TRDN: variants seen among roughly 807,000 people sequenced by gnomAD.
TRDN encodes the protein triadin in skeletal muscle.
A neutral mutation model predicts 149.7 loss-of-function variants in TRDN; 161 were observed. That is an observed-to-expected ratio of 1.08 (90% confidence interval 0.95 to 1.23). The LOEUF (loss-of-function observed/expected upper bound fraction) is 1.23. Among genes scored for constraint, TRDN ranks in the 50% most tolerant of loss-of-function variants. TRDN has a pLI of 0.00. For synonymous variants in TRDN, 294 were observed against 250.5 expected, an observed-to-expected ratio of 1.17 and a Z score of -1.64; for missense variants, 896 against 823.5, an observed-to-expected ratio of 1.09 and a Z score of -1.08.
At chr6:123,376,732 C>G (rs911315559) in intron 18 of TRDN, among the ~76,000 whole-genome samples, 1 of 152,090 alleles carries the variant, frequency 6.6e-6, no homozygotes, top group Non-Finnish European at 1.5e-5. Context: ...GGATTCAAAC[C>G]TGTAGTTTTC....
chr6:123,348,994 C>A (rs1780355724), intron 21 of TRDN, among the ~76,000 whole-genome samples: 1 of 151,944 alleles, frequency 6.6e-6, no homozygotes, highest in African/African-American at 2.4e-5. Context: ...AGAAAGCAGA[C>A]CTCTATGAGA....
At chr6:123,449,673 A>G (rs1233774491) in intron 10 of TRDN, among the ~76,000 whole-genome samples, 1 of 152,210 alleles carries the variant, frequency 6.6e-6, no homozygotes, top group Admixed American at 6.5e-5. Flanking sequence ...AAACTACTCC[A>G]GCCTTGCTAG....
chr6:123,240,849 T>C (rs1348611597), intron 38 of TRDN, among the ~76,000 whole-genome samples: 1 of 151,938 alleles, frequency 6.6e-6, no homozygotes, highest in Non-Finnish European at 1.5e-5. Flanking sequence ...TTGCATATTA[T>C]TTTTATCAAC....
At chr6:123,338,502 C>CTA (rs1216089772) in intron 21 of TRDN, among the ~76,000 whole-genome samples, 2 of 152,132 alleles carry the variant, frequency 1.3e-5, no homozygotes, top group East Asian at 3.8e-4. Context: ...GCTGGAGAGG[C>CTA]TACATCTAGG....
intron 4 of TRDN, among the ~76,000 whole-genome samples, chr6:123,539,681 C>A (rs574447621): frequency 6.6e-6 from 1 of 152,142 alleles, no homozygotes; most frequent in Non-Finnish European, 1.5e-5. Context: ...TAGGTCAATG[C>A]GACAGTGATA....
chr6:123,323,896 G>A (rs1277341901), intron 23 of TRDN, among the ~76,000 whole-genome samples: 5 of 152,150 alleles, frequency 3.3e-5, no homozygotes, highest in African/African-American at 1.2e-4. Context: ...GCTTCCCAGT[G>A]TGAAGAGTGT....
At chr6:123,244,780 A>G (rs1017080984) in intron 38 of TRDN, among the ~76,000 whole-genome samples, 3 of 152,174 alleles carry the variant, frequency 2.0e-5, no homozygotes, top group Admixed American at 2.0e-4. Context: ...AGTAACTCCA[A>G]GACACATAGC....
At chr6:123,426,142 T>G (rs1774111008) in intron 12 of TRDN, among the ~76,000 whole-genome samples, 1 of 152,090 alleles carries the variant, frequency 6.6e-6, no homozygotes, top group African/African-American at 2.4e-5. Flanking sequence ...AGGCAGAGAA[T>G]GTAAGGAGAC....
chr6:123,513,336 G>A (rs955413217), intron 6 of TRDN, among the ~76,000 whole-genome samples: 2 of 152,080 alleles, frequency 1.3e-5, no homozygotes, highest in East Asian at 1.9e-4. Context: ...ATTGGCATAA[G>A]GTAAATAAAA....
intron 23 of TRDN, among the ~76,000 whole-genome samples, chr6:123,330,958 C>A (rs1356602931): frequency 6.6e-6 from 1 of 152,004 alleles, no homozygotes; most frequent in East Asian, 1.9e-4. Context: ...AGTTGTACAG[C>A]TAAGTCCCTC....
chr6:123,531,308 T>A (rs1391594229), intron 4 of TRDN, among the ~76,000 whole-genome samples: 1 of 152,006 alleles, frequency 6.6e-6, no homozygotes, highest in Non-Finnish European at 1.5e-5. Context: ...AATATAGTGT[T>A]TTTTCTTAGA....
intron 12 of TRDN, among the ~76,000 whole-genome samples, chr6:123,430,807 A>T (rs960894399): frequency 2.6e-5 from 4 of 152,048 alleles, no homozygotes; most frequent in African/African-American, 9.7e-5. Context: ...CCATGTCCTT[A>T]CCTCATTTTT....
chr6:123,412,400 A>C (rs576275395), intron 12 of TRDN, among the ~76,000 whole-genome samples: 1 of 152,356 alleles, frequency 6.6e-6, no homozygotes, highest in South Asian at 2.1e-4. Flanking sequence ...CTCAATAACT[A>C]GTCATATTTC....
At chr6:123,636,700 C>T (rs1214943402) in intron 1 of TRDN, 54 bp downstream of exon 1, 2 of 1,600,170 alleles carry the variant, frequency 1.2e-6, no homozygotes, top group Non-Finnish European at 1.7e-6. Flanking sequence ...ATGTGGCTGT[C>T]GATTTGCATA....
At chr6:123,297,391 T>C (rs1778242194) in intron 24 of TRDN, among the ~76,000 whole-genome samples, 1 of 151,988 alleles carries the variant, frequency 6.6e-6, no homozygotes, top group South Asian at 2.1e-4. Context: ...TGCACCATGA[T>C]CGAGCATGAA....
intron 23 of TRDN, among the ~76,000 whole-genome samples, chr6:123,327,166 A>T (rs193133837): frequency 4.6e-4 from 70 of 152,174 alleles, no homozygotes; most frequent in African/African-American, 1.3e-3. Context: ...TACATCTGTC[A>T]TCTAATGTAT....
intron 7 of TRDN, among the ~76,000 whole-genome samples, chr6:123,507,929 T>C (rs915585077): frequency 2.6e-5 from 4 of 152,070 alleles, no homozygotes; most frequent in African/African-American, 9.7e-5. Flanking sequence ...ACAAATTTTC[T>C]CTCTCATTCC....
chr6:123,220,649 C>T (rs1296649612), intron 40 of TRDN, among the ~76,000 whole-genome samples: 2 of 151,742 alleles, frequency 1.3e-5, no homozygotes, highest in Non-Finnish European at 2.9e-5. Flanking sequence ...CAGTATCTGT[C>T]TAATGAATCA....
intron 21 of TRDN, among the ~76,000 whole-genome samples, chr6:123,343,682 GT>G (rs1268115851): frequency 6.6e-6 from 1 of 151,868 alleles, no homozygotes; most frequent in African/African-American, 2.4e-5. Context: ...CAAGGCACAT[GT>G]ATACATATGT....
Sources: gnomAD v4.1 joint callset for allele counts (sites outside exome capture counted in the v4.1 genomes callset) on GRCh38, gnomAD v4.1.1 for gene constraint, MANE v1.5 for transcripts, NCBI Gene and HGNC (gene_info 2026-07-23, HGNC 2026-07-21) for gene names.